Variants in PLA2G4D observed in about 807,000 individuals in gnomAD.
PLA2G4D encodes the protein phospholipase A2 group IVD.
Under a neutral mutation model 94.4 loss-of-function variants are expected in PLA2G4D, and 80 were observed. That is an observed-to-expected ratio of 0.85 (90% CI 0.71 to 1.02). The LOEUF is 1.02. Among genes scored for constraint, PLA2G4D ranks in the 50% least tolerant of loss-of-function variants. The pLI is 0.00. For missense variants in PLA2G4D, 1,050 were observed against 1,034.7 expected (o/e 1.01, Z -0.20); for synonymous variants, 438 against 440.9 (o/e 0.99, Z 0.08).
intron 1 of PLA2G4D, among the ~76,000 whole-genome samples, chr15:42,088,284 T>C (rs901629363): frequency 6.6e-6 from 1 of 152,070 alleles, no homozygotes; most frequent in Non-Finnish European, 1.5e-5. Context: ...GAGCAGTGGG[T>C]GCTGTGGGTG....
intron 1 of PLA2G4D, among the ~76,000 whole-genome samples, chr15:42,088,372 G>A (rs1022301890): frequency 3.3e-5 from 5 of 152,218 alleles, no homozygotes; most frequent in Non-Finnish European, 7.3e-5. Flanking sequence ...AAGCAGCTGA[G>A]TGGGCAGAAG....
intron 13 of PLA2G4D, among the ~76,000 whole-genome samples, chr15:42,076,504 C>T (rs922493043): frequency 2.0e-5 from 3 of 151,818 alleles, no homozygotes; most frequent in Non-Finnish European, 4.4e-5. Context: ...ATCGAGAATA[C>T]ATAAAGAATT....
intron 13 of PLA2G4D, among the ~76,000 whole-genome samples, chr15:42,077,420 T>C (rs935421969): frequency 6.6e-6 from 1 of 152,252 alleles, no homozygotes; most frequent in African/African-American, 2.4e-5. Flanking sequence ...AACGCAAGGA[T>C]GGTTCAACAT....
rs1210814025 is a variant in PLA2G4D, at chr15:42,081,494, G to A, written c.942C>T (p.Asp314=). ...ACCCCCAGACCTCATCCTCCTGCAGGTCTCTGTCCAGCTGCAGGGCCTGCT... is the reference window on the plus strand; with the variant it reads ...ACCCCCAGACCTCATCCTCCTGCAGATCTCTGTCCAGCTGCAGGGCCTGCT... ...ALKQALQLDR[D]LQEDEVPVVG... The change falls in exon 11 of 20, where the codon GAC becomes GAT. Residue 314 remains aspartate, a synonymous_variant. Transcript: ENST00000290472. 9.3e-6 allele frequency: 15 copies of A among 1,613,808 alleles called. No individual in the cohort carries two copies. Among genetic ancestry groups the A allele is most frequent in the African/African-American group, 1.3e-5 (1 of 74,918 alleles).
chr15:42,086,205 C>A lies in PLA2G4D; in HGVS notation c.387+8G>T. On this transcript the variant is annotated splice_region_variant and intron_variant, in intron 4 of 19. Transcript: ENST00000290472. ...GGCCCACGGGGACTTCCCCACCCAC[C>A]CACCCACCTGGGGACTCTGGGAGAA... 3.0e-6 allele frequency: 2 copies of A among 662,586 alleles called. No homozygotes were observed. Among genetic ancestry groups the A allele is most frequent in the African/African-American group, 2.0e-5 (1 of 50,770 alleles). The allele number at this position is 662,586 out of a possible 1,614,324, so 41.0% of individuals were successfully genotyped here. A position where few individuals can be genotyped will look rare whatever the true frequency, so the allele number is the denominator to read the frequency against.
intron 11 of PLA2G4D, 89 bp downstream of exon 11, chr15:42,081,390 A>G: frequency 1.3e-6 from 2 of 1,543,480 alleles, no homozygotes; most frequent in Non-Finnish European, 1.7e-6. Flanking sequence ...CTCTCCACTG[A>G]CTGGAGTTTC....
At chr15:42,090,067 G>T (rs1004352828) in intron 1 of PLA2G4D, among the ~76,000 whole-genome samples, 3 of 152,178 alleles carry the variant, frequency 2.0e-5, no homozygotes, top group African/African-American at 7.2e-5. Flanking sequence ...TGGTCTTTAC[G>T]GGGGCTTAAA....
At chr15:42,080,572 G>A (rs550634521) in intron 12 of PLA2G4D, among the ~76,000 whole-genome samples, 3 of 152,314 alleles carry the variant, frequency 2.0e-5, no homozygotes, top group African/African-American at 7.2e-5. Flanking sequence ...TACCAATTAG[G>A]AATTCCTGGC....
In PLA2G4D at chr15:42,087,561, G is replaced by A. The variant is rs116148596; in HGVS notation, c.118+67C>T. On this transcript the variant is annotated intron_variant, in intron 2 of 19. Transcript: ENST00000290472. ...GACCCAGCCCAGCCCCAGGGCACTCGTCTTGGCCCTTCCTATGGGATCTGG... is the reference window on the plus strand; with the variant it reads ...GACCCAGCCCAGCCCCAGGGCACTCATCTTGGCCCTTCCTATGGGATCTGG... 2,002 of 1,608,302 alleles carry A rather than the reference G, an allele frequency of 1.2e-3. 32 individuals carry two copies. In the African/African-American group the frequency reaches 0.024, roughly 19 times the overall value.
intron 9 of PLA2G4D, 93 bp from the exon 10 acceptor site, chr15:42,081,927 CTTTTTTT>C (rs398027016): frequency 3.1e-5 from 22 of 704,556 alleles, no homozygotes; most frequent in Admixed American, 1.1e-4. Flanking sequence ...CATCTTCATT[CTTTTTTT>C]TTTTTTTTTT....
intron 3 of PLA2G4D, 74 bp from the exon 4 acceptor site, chr15:42,086,418 C>T (rs941472452): frequency 6.7e-7 from 1 of 1,490,316 alleles, no homozygotes; most frequent in African/African-American, 1.4e-5. Context: ...TGAGCCCTTA[C>T]TTGATGTCTA....
intron 5 of PLA2G4D, 53 bp from the exon 6 acceptor site, chr15:42,085,191 T>A: frequency 6.2e-7 from 1 of 1,606,430 alleles, no homozygotes; most frequent in African/African-American, 1.3e-5. Context: ...GACCTCCCGC[T>A]CCCGCCCATG....
In PLA2G4D at chr15:42,084,003, C is replaced by G. The variant is rs1890093945; in HGVS notation, c.472-224G>C. The stretch of plus-strand genomic sequence containing the variant: ...CAGGAGGGCCCTGGCTCCACACCTC[C>G]CCTCCAGCTCCCCTGGCTTTGCCAA... On this transcript the variant is annotated intron_variant, in intron 6 of 19. Transcript: ENST00000290472. This position sits in a 1 kb window ranked among gnomAD's most constrained non-coding sequence, Gnocchi z 4.8. 1.8e-6 allele frequency: 1 copy of G among 556,862 alleles called. No individual in the cohort carries two copies. Among genetic ancestry groups the G allele is most frequent in the Admixed American group, 3.1e-5 (1 of 32,508 alleles). The allele number at this position is 556,862 out of a possible 1,614,324, so 34.5% of individuals were successfully genotyped here.
At chr15:42,078,564 G>GT (rs1354692055) in intron 13 of PLA2G4D, among the ~76,000 whole-genome samples, 14 of 152,174 alleles carry the variant, frequency 9.2e-5, no homozygotes, top group Non-Finnish European at 1.9e-4. Flanking sequence ...TACTTAACCG[G>GT]TAAGAATAAT....
At chr15:42,070,534 G>T (rs1372800357) in intron 18 of PLA2G4D, 183 bp downstream of exon 18, 3 of 708,310 alleles carry the variant, frequency 4.2e-6, no homozygotes, top group East Asian at 5.5e-5. Context: ...GGAGCCCAAG[G>T]CCCCTGCACC....
rs1396785119 is a variant in PLA2G4D at position 42,071,443 on chromosome 15, C to A, written c.1681+1G>T. 1.2e-6 allele frequency: 2 copies of A among 1,610,128 alleles called. No homozygotes were observed. Among genetic ancestry groups the A allele is most frequent in the African/African-American group, 2.7e-5 (2 of 74,786 alleles). On this transcript the variant is annotated splice_donor_variant, in intron 16 of 19. Transcript: ENST00000290472. LOFTEE classifies it high-confidence loss of function. Reference sequence around the variant, plus strand: ...CCCCTCAGTGCCCCTGCCCTTCCCACCTAAGCTCCTGGTCTTGTCCTTGAT... The same window carrying A: ...CCCCTCAGTGCCCCTGCCCTTCCCAACTAAGCTCCTGGTCTTGTCCTTGAT...
chr15:42,068,425 A>T lies in PLA2G4D; in HGVS notation c.*290T>A. The T allele has an allele frequency of 2.4e-6, 1 of 410,408 alleles. No individual in the cohort carries two copies. The highest frequency in any genetic ancestry group is 4.5e-6 in the Non-Finnish European group (1 of 222,890). The allele number at this position is 410,408 out of a possible 1,614,324, so 25.4% of individuals were successfully genotyped here. On this transcript the variant is annotated 3_prime_UTR_variant, in exon 20 of 20. Coordinates refer to ENST00000290472, the MANE Select transcript of PLA2G4D (RefSeq NM_178034.4). ...TCTGCTGCCTCCGGCTTGCACTTCA[A>T]ATCTATCCTGCTCAGGCATGGAAGT...
rs1474790153 is a variant in PLA2G4D, at chr15:42,070,045, G to A, written c.2094C>T (p.Pro698=). The A allele has an allele frequency of 7.2e-6, 11 of 1,520,816 alleles. No individual in the cohort carries two copies. The highest frequency in any genetic ancestry group is 1.4e-5 in the African/African-American group (1 of 70,648). 94.2% of individuals were successfully genotyped at this position (1,520,816 alleles called of 1,614,324 possible). The change falls in exon 19 of 20, where the codon CCC becomes CCT. Residue 698 remains proline (P), a synonymous_variant. Transcript: ENST00000290472. The part of the protein sequence containing the change: ...LYCRARGLPF[P]RVEPSPQDQH... ...GGTCCTGAGGGCTGGGTTCCACCCGGGGGAAGGGCAGCCCCCGGGCCCGGC... is the reference window on the plus strand; with the variant it reads ...GGTCCTGAGGGCTGGGTTCCACCCGAGGGAAGGGCAGCCCCCGGGCCCGGC...
intron 17 of PLA2G4D, 107 bp downstream of exon 17, chr15:42,071,016 G>A: frequency 2.0e-6 from 3 of 1,535,096 alleles, no homozygotes; most frequent in Non-Finnish European, 2.6e-6. Flanking sequence ...TCGTCTCCAG[G>A]CCACACCCCA....
Sources: allele counts gnomAD v4.1 joint callset (sites outside exome capture counted in the v4.1 genomes callset), GRCh38; gene constraint gnomAD v4.1.1; non-coding constraint Gnocchi (gnomAD v3.1); transcripts MANE v1.5; gene names NCBI Gene and HGNC (gene_info 2026-07-23, HGNC 2026-07-21).